Variants in JAKMIP1 observed in about 807,000 individuals in gnomAD.
The protein encoded by JAKMIP1 is janus kinase and microtubule interacting protein 1.
A neutral mutation model predicts 113.0 loss-of-function variants in JAKMIP1; 33 were observed. The ratio of observed to expected loss-of-function variants is 0.29; its 90% CI spans 0.22 to 0.39. JAKMIP1 has a LOEUF of 0.39. JAKMIP1 is among the 10% of genes least tolerant of loss of function. The probability of loss-of-function intolerance (pLI) is 1.00; values close to 1 mark genes in which losing one functional copy is unlikely to be tolerated. For synonymous variants in JAKMIP1, 480 were observed against 459.9 expected (o/e 1.04, Z -0.56); for missense variants, 813 against 1,080.5 (o/e 0.75, Z 3.47).
intron 1 of JAKMIP1, among the ~76,000 whole-genome samples, chr4:6,174,833 C>T (rs561388693): frequency 2.6e-4 from 40 of 151,550 alleles, no homozygotes; most frequent in East Asian, 9.8e-4. Flanking sequence ...TTCCTTCTGT[C>T]GCCCCAACTG....
intron 1 of JAKMIP1, among the ~76,000 whole-genome samples, chr4:6,134,777 C>T (rs1461496453): frequency 1.3e-5 from 2 of 152,248 alleles, no homozygotes; most frequent in African/African-American, 4.8e-5. Context: ...TGCCCTCTTT[C>T]ACACATGCAA....
chr4:6,090,648 T>A (rs148267329), intron 3 of JAKMIP1, among the ~76,000 whole-genome samples: 5 of 151,908 alleles, frequency 3.3e-5, no homozygotes, highest in African/African-American at 1.2e-4. Context: ...CACCGCCTCA[T>A]GTTGACCGTA....
At chr4:6,174,460 G>A (rs921213545) in intron 1 of JAKMIP1, among the ~76,000 whole-genome samples, 1 of 152,190 alleles carries the variant, frequency 6.6e-6, no homozygotes, top group African/African-American at 2.4e-5. Context: ...CTTCGGCTCC[G>A]TGTTTAAGAA....
intron 11 of JAKMIP1, 149 bp from the exon 12 acceptor site, chr4:6,056,908 T>C: frequency 1.6e-6 from 1 of 606,180 alleles, no homozygotes; most frequent in Non-Finnish European, 3.0e-6. Context: ...ATTGTCCCTG[T>C]CCACTTTTAA....
At chr4:6,145,528 C>T (rs747106754) in intron 1 of JAKMIP1, among the ~76,000 whole-genome samples, 6 of 152,032 alleles carry the variant, frequency 3.9e-5, no homozygotes, top group Non-Finnish European at 8.8e-5. Context: ...CAGAATTCCA[C>T]TTCTGGGTAT....
At chr4:6,083,834 G>A (rs1480809300) in intron 5 of JAKMIP1, among the ~76,000 whole-genome samples, 1 of 152,030 alleles carries the variant, frequency 6.6e-6, no homozygotes, top group East Asian at 1.9e-4. Flanking sequence ...TAGTTTTGCT[G>A]TTATCCAGAA....
rs1722249200 is a variant in JAKMIP1 at position 6,156,444 on chromosome 4, T to A, written c.-147-43447A>T. Among the ~76,000 whole-genome samples the A allele has an allele frequency of 6.6e-6, 1 of 152,222 alleles. No homozygotes were observed. Among genetic ancestry groups the A allele is most frequent in the East Asian group, 1.9e-4 (1 of 5,194 alleles). ...TACGGTACCTAACAGAGTCCAGAAT[T>A]CTGATTTAAAAGTTTAAATTAGCTG... On this transcript the variant is annotated intron_variant, in intron 1 of 20. Transcript: ENST00000409021. This position sits in a 1 kb window ranked among gnomAD's most constrained non-coding sequence, Gnocchi z 5.0.
In JAKMIP1 at chr4:6,050,995, T is replaced by C. The variant is rs571584621; in HGVS notation, c.1807-316A>G. Among the ~76,000 whole-genome samples the C allele has an allele frequency of 1.3e-5, 2 of 152,264 alleles. No homozygotes were observed. Among genetic ancestry groups the C allele is most frequent in the South Asian group, 4.2e-4 (2 of 4,818 alleles). ...GAATTACAAAATTTAAAAAACACAG[T>C]TGCACTAAATTTGAATAGACAGCAA... On this transcript the variant is annotated intron_variant, in intron 13 of 20. Coordinates refer to ENST00000409021, the MANE Select transcript of JAKMIP1 (RefSeq NM_001099433.2). The surrounding 1 kb of genome is among the most constrained non-coding windows in gnomAD (Gnocchi z 7.4).
Position 6,044,443 on chromosome 4 carries a change from C to T in JAKMIP1, c.2029-2216G>A, listed in dbSNP as rs754031188. ...GCCACAGTGAGCTCGGCCCCCAGTA[C>T]GGGCTCTGTGCCAGCCACGGTGGCA... On this transcript the variant is annotated intron_variant, in intron 16 of 20. Transcript: ENST00000409021. This position sits in a 1 kb window ranked among gnomAD's most constrained non-coding sequence, Gnocchi z 4.4. Among the ~76,000 whole-genome samples, 2 of 152,162 alleles carry T rather than the reference C, an allele frequency of 1.3e-5. No individual in the cohort carries two copies. Among genetic ancestry groups the T allele is most frequent in the African/African-American group, 2.4e-5 (1 of 41,452 alleles).
At position 6,199,159 on chromosome 4, in the gene JAKMIP1, T is replaced by A. The variant is rs757145160; in HGVS notation, c.-148+1094A>T. On this transcript the variant is annotated intron_variant, in intron 1 of 20. Coordinates refer to ENST00000409021, the MANE Select transcript of JAKMIP1 (RefSeq NM_001099433.2). This position sits in a 1 kb window ranked among gnomAD's most constrained non-coding sequence, Gnocchi z 5.6. ...CAGCACTGGCAAAGGCCAAGGACAGTGTGCCTGCGAGTGTGCGCAGATGGG... is the reference window on the plus strand; with the variant it reads ...CAGCACTGGCAAAGGCCAAGGACAGAGTGCCTGCGAGTGTGCGCAGATGGG... Among the ~76,000 whole-genome samples, 8 of 152,188 alleles carry A rather than the reference T, an allele frequency of 5.3e-5. No homozygotes were observed. The highest frequency in any genetic ancestry group is 1.2e-4 in the Non-Finnish European group (8 of 68,026).
At chr4:6,038,981 C>T (rs1395851768) in intron 18 of JAKMIP1, among the ~76,000 whole-genome samples, 2 of 152,368 alleles carry the variant, frequency 1.3e-5, no homozygotes, top group East Asian at 3.9e-4. Context: ...GACACATGGC[C>T]CTGTCACCCT....
In JAKMIP1 at chr4:6,121,208, A is replaced by AAAAG. The variant is rs1207107512; in HGVS notation, c.-147-8212_-147-8211insCTTT. Reference sequence around the variant, plus strand: ...GAGCCAGACCTTGTCTCAAAAAAAAAAAAAAAAAATGGCAGCAGCTTCATC... The same window carrying AAAAG: ...GAGCCAGACCTTGTCTCAAAAAAAAAAAAGAAAAAAAAATGGCAGCAGCTTCATC... On this transcript the variant is annotated intron_variant, in intron 1 of 20. Transcript: ENST00000409021. Among the ~76,000 whole-genome samples the AAAAG allele has an allele frequency of 6.6e-5, 10 of 151,170 alleles. 1 individual carries two copies. Among genetic ancestry groups the AAAAG allele is most frequent in the Non-Finnish European group, 1.5e-5 (1 of 67,778 alleles).
chr4:6,198,561 T>G (rs879866275), intron 1 of JAKMIP1, among the ~76,000 whole-genome samples: 4 of 152,148 alleles, frequency 2.6e-5, no homozygotes, highest in Admixed American at 2.0e-4. Context: ...AGCTGCTTAC[T>G]GCAAAAAGAC....
chr4:6,046,837 G>A (rs1578082022), intron 16 of JAKMIP1, among the ~76,000 whole-genome samples: 2 of 152,164 alleles, frequency 1.3e-5, no homozygotes, highest in South Asian at 2.1e-4. Flanking sequence ...AGAACTCAGC[G>A]CCCTGCAGAG....
At chr4:6,160,147 G>T (rs140695571) in intron 1 of JAKMIP1, among the ~76,000 whole-genome samples, 1 of 152,182 alleles carries the variant, frequency 6.6e-6, no homozygotes, top group East Asian at 1.9e-4. Flanking sequence ...AACAGGAGAG[G>T]GTAAGTTCAG....
intron 12 of JAKMIP1, among the ~76,000 whole-genome samples, chr4:6,056,238 TC>T: frequency 7.0e-6 from 1 of 142,224 alleles, no homozygotes; most frequent in Admixed American, 7.1e-5. Flanking sequence ...GAACCTGCCC[TC>T]CCCATTTCTG....
At chr4:6,054,925 G>A in intron 12 of JAKMIP1, 3 of 447,832 alleles carry the variant, frequency 6.7e-6, no homozygotes, top group Non-Finnish European at 1.4e-5. Context: ...ATGGGATGAG[G>A]GGGTGAGGGT....
chr4:6,194,417 G>A lies in JAKMIP1; in HGVS notation c.-148+5836C>T, dbSNP rs1190278300. On this transcript the variant is annotated intron_variant, in intron 1 of 20. Transcript: ENST00000409021. This position sits in a 1 kb window ranked among gnomAD's most constrained non-coding sequence, Gnocchi z 7.4. ...AGCAGAGAGGGGTGACCAGCCACCA[G>A]ATGCAACAGGATAGGGTGAGAGAAG... is the stretch of plus-strand genomic sequence containing the variant. 3 of 152,096 alleles carry A rather than the reference G, an allele frequency of 2.0e-5. No homozygotes were observed. Among genetic ancestry groups the A allele is most frequent in the African/African-American group, 7.2e-5 (3 of 41,398 alleles). 9.4% of individuals were successfully genotyped at this position (152,096 alleles called of 1,614,324 possible).
intron 12 of JAKMIP1, among the ~76,000 whole-genome samples, chr4:6,056,239 C>G (rs939710968): frequency 6.6e-6 from 1 of 151,076 alleles, no homozygotes; most frequent in Non-Finnish European, 1.5e-5. Flanking sequence ...AACCTGCCCT[C>G]CCCATTTCTG....
Sources: allele counts gnomAD v4.1 joint callset (sites outside exome capture counted in the v4.1 genomes callset), GRCh38; gene constraint gnomAD v4.1.1; non-coding constraint Gnocchi (gnomAD v3.1); transcripts MANE v1.5; gene names NCBI Gene and HGNC (gene_info 2026-07-23, HGNC 2026-07-21).